Variants in ZNF248 observed in about 807,000 individuals in gnomAD.
The protein encoded by ZNF248 is zinc finger protein 248.
Under a neutral mutation model 44.3 loss-of-function variants are expected in ZNF248, and 20 were observed. The ratio of observed to expected loss-of-function variants is 0.45; its 90% CI spans 0.32 to 0.66. ZNF248 has a LOEUF of 0.66. Among genes scored for constraint, ZNF248 ranks in the 30% least tolerant of loss-of-function variants. ZNF248 has a pLI of 0.04. For missense variants in ZNF248, 654 were observed against 677.0 expected (o/e 0.97, Z 0.38); for synonymous variants, 224 against 229.0 (o/e 0.98, Z 0.20).
At chr10:37,853,998 C>T (rs181664579) in intron 3 of ZNF248, among the ~76,000 whole-genome samples, 2 of 152,134 alleles carry the variant, frequency 1.3e-5, no homozygotes, top group Non-Finnish European at 2.9e-5. Context: ...GGGTTCAGAA[C>T]ACAAGGAGAA....
At chr10:37,835,893 T>C (rs1435779764) in intron 5 of ZNF248, among the ~76,000 whole-genome samples, 4 of 152,218 alleles carry the variant, frequency 2.6e-5, no homozygotes, top group African/African-American at 9.6e-5. Flanking sequence ...TACTTACACA[T>C]ATCCAATCTC....
rs1389725536 is a variant in ZNF248, at chr10:37,832,518, G to A, written c.837C>T (p.Phe279=). Reference sequence around the variant, plus strand: ...GATGTCCAAACCTTAAATTCATGCAGAAGGACTTCCCGCAAATACTGCATC... The same window carrying A: ...GATGTCCAAACCTTAAATTCATGCAAAAGGACTTCCCGCAAATACTGCATC... ...PYGCSICGKS[F]CMNLRFGHQR... Residue 279 remains phenylalanine, a synonymous_variant, in exon 6 of 6, where the codon TTC becomes TTT. Coordinates refer to ENST00000395867, the MANE Select transcript of ZNF248 (RefSeq NM_021045.3). 6.2e-7 allele frequency: 1 copy of A among 1,613,930 alleles called. No individual in the cohort carries two copies. The highest frequency in any genetic ancestry group is 1.7e-5 in the Admixed American group (1 of 59,992).
chr10:37,814,867 G>A (rs989056751), intron 6 of ZNF248, among the ~76,000 whole-genome samples: 8 of 152,074 alleles, frequency 5.3e-5, no homozygotes, highest in Admixed American at 1.3e-4. Flanking sequence ...GCCTCAGTGT[G>A]GGCCTCTTTG....
rs115522692 is a variant in ZNF248 at position 37,781,455 on chromosome 10, C to G, written c.331-4880G>C. ...AAGGTGTGCCATCCAGGACAAGCCC[C>G]ATGACCCACAACTCTGCCCATTGGT... On this transcript the variant is annotated intron_variant, in intron 6 of 6. Coordinates refer to the ZNF248 transcript ENST00000615949. Among the ~76,000 whole-genome samples the G allele has an allele frequency of 3.7e-3, 563 of 152,354 alleles. 3 individuals are homozygous for G. The highest frequency in any genetic ancestry group is 0.027 in the Middle Eastern group (8 of 294).
chr10:37,809,034 T>G (rs749186687), intron 6 of ZNF248, among the ~76,000 whole-genome samples: 11 of 152,182 alleles, frequency 7.2e-5, no homozygotes, highest in Non-Finnish European at 1.6e-4. Flanking sequence ...TTGTTCTTAG[T>G]ACTTTCTTGT....
intron 6 of ZNF248, chr10:37,818,627 C>A: frequency 2.2e-6 from 1 of 463,740 alleles, no homozygotes; most frequent in Non-Finnish European, 4.1e-6. Context: ...AGCTGTTGGA[C>A]ACCCCAAAGG....
intron 6 of ZNF248, among the ~76,000 whole-genome samples, chr10:37,791,042 CTTTTTTTTTTTTTT>C (rs869199263): frequency 4.1e-4 from 21 of 50,922 alleles, no homozygotes; most frequent in African/African-American, 1.4e-3. Context: ...TTTGTTATTT[CTTTTTTTTTTTTTT>C]TTTTTTTTTT....
In ZNF248 at chr10:37,832,073, G is replaced by A. The variant is rs758962144; in HGVS notation, c.1282C>T (p.Arg428Ter). 17 of 1,611,348 alleles carry A rather than the reference G, an allele frequency of 1.1e-5. No homozygotes were observed. Among genetic ancestry groups the A allele is most frequent in the East Asian group, 2.2e-5 (1 of 44,768 alleles). ...CQKPHLTNHQ[R>*]THTGEKPYEC... is the part of the protein sequence containing the mutation. ...TAGGGTTTTTCTCCTGTATGTGTTC[G>A]CTGATGGTTGGTCAGGTGTGGTTTC... Residue 428 changes from arginine (R) to a stop codon, truncating the protein, a stop_gained, in exon 6 of 6, where the codon CGA becomes TGA. Coordinates refer to ENST00000395867, the MANE Select transcript of ZNF248 (RefSeq NM_021045.3). LOFTEE classifies it high-confidence loss of function.
At chr10:37,782,532 C>T (rs1299042948) in intron 6 of ZNF248, among the ~76,000 whole-genome samples, 3 of 152,028 alleles carry the variant, frequency 2.0e-5, no homozygotes, top group Non-Finnish European at 2.9e-5. Context: ...AGTCCTAACA[C>T]ACGGTACCTG....
chr10:37,807,392 T>C (rs1466216147), intron 6 of ZNF248, among the ~76,000 whole-genome samples: 2 of 152,176 alleles, frequency 1.3e-5, no homozygotes, highest in African/African-American at 4.8e-5. Context: ...ATTAAAATTA[T>C]TTTGACTATC....
chr10:37,822,954 T>A (rs1045282205), intron 6 of ZNF248, among the ~76,000 whole-genome samples: 1 of 152,096 alleles, frequency 6.6e-6, no homozygotes, highest in African/African-American at 2.4e-5. Context: ...TAAAACTTGG[T>A]CAAGATGTTT....
chr10:37,843,472 C>T (rs1027225826), intron 3 of ZNF248, among the ~76,000 whole-genome samples: 6 of 150,822 alleles, frequency 4.0e-5, no homozygotes, highest in Non-Finnish European at 8.9e-5. Context: ...CTTGGGGAAG[C>T]GTAAAAATCT....
At chr10:37,851,467 T>A (rs901122676) in intron 3 of ZNF248, among the ~76,000 whole-genome samples, 3 of 152,190 alleles carry the variant, frequency 2.0e-5, no homozygotes, top group African/African-American at 4.8e-5. Flanking sequence ...AAAAATTTCC[T>A]GTTCTTTGAT....
chr10:37,766,958 C>T, the ZNF248 span, among the ~76,000 whole-genome samples: 5 of 151,912 alleles, frequency 3.3e-5, no homozygotes, highest in African/African-American at 7.3e-5. Context: ...AGCCAAGGCT[C>T]GAGAACTACG....
chr10:37,776,659 A>G (rs533948769), intron 6 of ZNF248: 1 of 392,698 alleles, frequency 2.5e-6, no homozygotes, highest in African/African-American at 2.1e-5. Flanking sequence ...CTCTGAAGGC[A>G]CTGACTATGC....
intron 6 of ZNF248, among the ~76,000 whole-genome samples, chr10:37,799,954 T>C (rs1428458492): frequency 5.9e-5 from 9 of 152,086 alleles, no homozygotes; most frequent in Non-Finnish European, 2.9e-5. Context: ...ATGCTTGTTT[T>C]CCCAGCACTT....
At chr10:37,848,914 A>G (rs557293162) in intron 3 of ZNF248, among the ~76,000 whole-genome samples, 1 of 152,366 alleles carries the variant, frequency 6.6e-6, no homozygotes, top group East Asian at 1.9e-4. Flanking sequence ...TCACTTTTAA[A>G]TATGAATGGA....
At chr10:37,796,858 C>T (rs915057135) in intron 6 of ZNF248, among the ~76,000 whole-genome samples, 2 of 152,050 alleles carry the variant, frequency 1.3e-5, no homozygotes, top group African/African-American at 4.8e-5. Flanking sequence ...ATCAGTTACA[C>T]ATAAACATTA....
the ZNF248 span, among the ~76,000 whole-genome samples, chr10:37,768,793 G>C: frequency 6.6e-6 from 1 of 152,162 alleles, no homozygotes; most frequent in East Asian, 1.9e-4. Flanking sequence ...GAAGGAAATA[G>C]AGACATAAAA....
Sources: allele counts gnomAD v4.1 joint callset (sites outside exome capture counted in the v4.1 genomes callset), GRCh38; gene constraint gnomAD v4.1.1; transcripts MANE v1.5; gene names NCBI Gene and HGNC (gene_info 2026-07-23, HGNC 2026-07-21).